The following TTN variants were observed in gnomAD, a reference collection of about 807,000 sequenced individuals.
TTN encodes connectin.
TTN carries 1,525 observed loss-of-function variants against 3,223.0 expected under a neutral mutation model. The ratio of observed to expected loss-of-function variants is 0.47; its 90% confidence interval spans 0.45 to 0.49. TTN has a LOEUF of 0.49. TTN is among the 20% of genes least tolerant of loss of function. The pLI is 0.00. For missense variants in TTN, 40,786 were observed against 43,424.0 expected (o/e 0.94, Z 5.40); for synonymous variants, 14,094 against 15,161.0 (o/e 0.93, Z 5.17).
rs1259557586 is a variant in TTN at position 178,543,675 on chromosome 2, A to G, written c.96311-13T>C. ...GGACCAGGAGTATCTGAAAAACAGA[A>G]TGAAAGATTCATATTTCCTATTTGC... is the stretch of plus-strand genomic sequence containing the variant. On this transcript the variant is annotated splice_polypyrimidine_tract_variant and intron_variant, in intron 346 of 362. Transcript: ENST00000589042. 1.3e-6 allele frequency: 2 copies of G among 1,561,360 alleles called. No homozygotes were observed. Among genetic ancestry groups the G allele is most frequent in the African/African-American group, 1.4e-5 (1 of 73,148 alleles).
chr2:178,632,287 A>T lies in TTN; in HGVS notation c.43607T>A (p.Leu14536Gln), dbSNP rs1405325105. The part of the protein sequence containing the change: ...RVKWFKNDQR[L>Q]HTTRSVSMQD... ...CATTGAGACCGACCTGGTGGTGTGTAGGCGCTGGTCATTCTTGAACCATTT... is the reference window on the plus strand; with the variant it reads ...CATTGAGACCGACCTGGTGGTGTGTTGGCGCTGGTCATTCTTGAACCATTT... The change falls in exon 236 of 363, where the codon CTA becomes CAA. Residue 14536 changes from leucine to glutamine, a missense_variant. By Grantham distance (113) the Leu-to-Gln change is moderately radical. Transcript: ENST00000589042. The T allele has an allele frequency of 6.2e-7, 1 of 1,609,822 alleles. No homozygotes were observed. Among genetic ancestry groups the T allele is most frequent in the African/African-American group, 1.3e-5 (1 of 74,962 alleles).
At chr2:178,694,556 TA>T (rs760382112) in intron 117 of TTN, 42 bp downstream of exon 117, 6 of 1,480,942 alleles carry the variant, frequency 4.1e-6, no homozygotes, top group African/African-American at 1.4e-5. Flanking sequence ...TACACATAAA[TA>T]AAAAAATTTT....
rs779794234 is a variant in TTN, at chr2:178,529,996, C to T, written c.106495G>A (p.Gly35499Arg). The T allele has an allele frequency of 6.2e-7, 1 of 1,602,570 alleles. No homozygotes were observed. The highest frequency in any genetic ancestry group is 8.5e-7 in the Non-Finnish European group (1 of 1,177,258). ...AATTTGCAGCTAGAGGACACAGATC[C>T]AGCTGAATTTTTTACTGTACAAGTA... ...LYTCTVKNSAGSVSSSCKLTI... is the reference protein window; with the variant it reads ...LYTCTVKNSARSVSSSCKLTI... Residue 35499 changes from glycine (G) to arginine (R), a missense_variant, in exon 359 of 363, where the codon GGA (glycine) becomes AGA (arginine). Coordinates refer to ENST00000589042, the MANE Select transcript of TTN (RefSeq NM_001267550.2).
rs200972189 is a variant in TTN, at chr2:178,717,787, C to A, written c.25087G>T (p.Ala8363Ser). ...TCATGAACGTCTTTCAGTTTTCTTGCAAAGAAAGGTGGAAGTTTGCGCGCT... is the reference window on the plus strand; with the variant it reads ...TCATGAACGTCTTTCAGTTTTCTTGAAAAGAAAGGTGGAAGTTTGCGCGCT... ...IKARKLPPFF[A>S]RKLKDVHETL... is the part of the protein sequence containing the mutation. Residue 8363 changes from alanine (A) to serine (S), a missense_variant, in exon 87 of 363, where the codon GCA (alanine) becomes TCA (serine). Physicochemically the swap from Ala to Ser is moderately conservative, Grantham distance 99. Transcript: ENST00000589042. 1.4e-4 allele frequency: 228 copies of A among 1,607,364 alleles called. No individual in the cohort carries two copies. In the African/African-American group the frequency reaches 2.5e-3, roughly 17 times the overall value.
chr2:178,664,621 T>G (rs1414848369), intron 167 of TTN, 33 bp downstream of exon 167: 2 of 1,609,566 alleles, frequency 1.2e-6, no homozygotes, highest in East Asian at 2.2e-5. Context: ...AAAAGACATG[T>G]TCCCACCCCT....
At position 178,649,648 on chromosome 2, in the gene TTN, A is replaced by G; in HGVS notation, c.39896-17T>C. 1 of 1,550,648 alleles carries G rather than the reference A, an allele frequency of 6.4e-7. No homozygotes were observed. Among genetic ancestry groups the G allele is most frequent in the Non-Finnish European group, 8.7e-7 (1 of 1,145,876 alleles). ...TCTCAGGTTCTTTAAAGATATCAGT[A>G]GCATTTAATAATACAAAGTTGTGAG... On this transcript the variant is annotated splice_polypyrimidine_tract_variant and intron_variant, in intron 211 of 362. Coordinates refer to ENST00000589042, the MANE Select transcript of TTN (RefSeq NM_001267550.2).
chr2:178,625,243 A>G lies in TTN; in HGVS notation c.44548+30T>C, dbSNP rs769967457. Reference sequence around the variant, plus strand: ...CATTGTTCATGAGCCTCTGCCTTATACATGTTTTTAAAATAAGCCTTGTAA... The same window carrying G: ...CATTGTTCATGAGCCTCTGCCTTATGCATGTTTTTAAAATAAGCCTTGTAA... On this transcript the variant is annotated intron_variant, in intron 241 of 362. Transcript: ENST00000589042. 3.1e-6 allele frequency: 5 copies of G among 1,601,026 alleles called. No individual in the cohort carries two copies. The African/African-American group carries it at 6.8e-5, about 22-fold the overall frequency.
At chr2:178,671,069 A>G in intron 156 of TTN, 21 bp downstream of exon 156, 1 of 1,588,396 alleles carries the variant, frequency 6.3e-7, no homozygotes, top group Non-Finnish European at 8.6e-7. Flanking sequence ...GTTAAGTAGT[A>G]ATTTTTCACA....
In TTN at chr2:178,715,069, T is replaced by A. The variant is rs763090296; in HGVS notation, c.26117A>T (p.Asp8706Val). ...FLTSIHILNVDAADIGEYQCK... is the reference protein window; with the variant it reads ...FLTSIHILNVVAADIGEYQCK... ...CTGATATTCCCCAATGTCTGCAGCA[T>A]CGACATTCAGGATGTGGATACTGGT... is the stretch of plus-strand genomic sequence containing the variant. The change falls in exon 90 of 363, where the codon GAT becomes GTT. Residue 8706 changes from aspartate (D) to valine (V), a missense_variant. Coordinates refer to ENST00000589042, the MANE Select transcript of TTN (RefSeq NM_001267550.2). The A allele has an allele frequency of 1.2e-6, 2 of 1,613,708 alleles. No homozygotes were observed. The highest frequency in any genetic ancestry group is 3.3e-5 in the Admixed American group (2 of 60,008).
In TTN at chr2:178,567,802, G is replaced by A; in HGVS notation, c.78330C>T (p.Thr26110=). The change falls in exon 326 of 363, where the codon ACC becomes ACT. Residue 26110 remains threonine, a synonymous_variant. Coordinates refer to ENST00000589042, the MANE Select transcript of TTN (RefSeq NM_001267550.2). ...TACTTCCACCATCATACACAGGTTTGGTCCACTGTAAAGTGATTTCATTTC... is the reference window on the plus strand; with the variant it reads ...TACTTCCACCATCATACACAGGTTTAGTCCACTGTAAAGTGATTTCATTTC... ...VKRNEITLQW[T]KPVYDGGSMI... 6.2e-7 allele frequency: 1 copy of A among 1,613,448 alleles called. No homozygotes were observed. The highest frequency in any genetic ancestry group is 1.1e-5 in the South Asian group (1 of 91,066).
At position 178,544,085 on chromosome 2, in the gene TTN, AGAT is replaced by A; in HGVS notation, c.96056_96058del (p.Asp32019_Leu32020delinsVal). ...AGCCCTGATGGTCACAGTCTTCTTT[AGAT>A]CATCTGCAAGCTCAAGATCTGGTAT... On this transcript the variant is annotated inframe_deletion, in exon 346 of 363. Coordinates refer to ENST00000589042, the MANE Select transcript of TTN (RefSeq NM_001267550.2). 1.2e-6 allele frequency: 2 copies of A among 1,610,776 alleles called. No homozygotes were observed. The highest frequency in any genetic ancestry group is 2.2e-5 in the South Asian group (2 of 90,864).
chr2:178,607,415 C>A lies in TTN; in HGVS notation c.53273G>T (p.Arg17758Met). The A allele has an allele frequency of 6.2e-7, 1 of 1,613,108 alleles. No individual in the cohort carries two copies. Among genetic ancestry groups the A allele is most frequent in the Non-Finnish European group, 8.5e-7 (1 of 1,179,350 alleles). ...NSCGSKFAAA[R>M]VEVFDVPGPV... ...ACATTCCTTACCAAAAACTTCTACC[C>A]TGGCTGCTGCAAATTTGGAACCACA... Residue 17758 changes from arginine (R) to methionine (M), a missense_variant, in exon 277 of 363, where the codon AGG becomes ATG. Transcript: ENST00000589042.
chr2:178,677,116 A>C (rs1207666246), intron 147 of TTN, 85 bp downstream of exon 147: 3 of 832,920 alleles, frequency 3.6e-6, no homozygotes, highest in African/African-American at 1.8e-5. Flanking sequence ...TTTTGTAAAT[A>C]TAATTTTCCT....
intron 344 of TTN, among the ~76,000 whole-genome samples, chr2:178,545,095 A>G (rs1219626663): frequency 6.6e-6 from 1 of 152,190 alleles, no homozygotes; most frequent in African/African-American, 2.4e-5. Context: ...ATTACAGTAC[A>G]ATGCATTTTT....
At chr2:178,644,729 A>G in intron 217 of TTN, 113 bp from the exon 218 acceptor site, 1 of 776,410 alleles carries the variant, frequency 1.3e-6, no homozygotes. Context: ...GAAAGCATTA[A>G]TAACAGCCAA....
intron 88 of TTN, among the ~76,000 whole-genome samples, chr2:178,716,646 A>G (rs189986395): frequency 6.6e-6 from 1 of 152,298 alleles, no homozygotes; most frequent in East Asian, 1.9e-4. Flanking sequence ...AGTGGAGGAA[A>G]GTAAGTTGAA....
chr2:178,777,224 G>A lies in TTN; in HGVS notation c.4739C>T (p.Thr1580Met), dbSNP rs73973147. 1.1e-3 allele frequency: 1,741 copies of A among 1,614,072 alleles called. 15 individuals carry two copies. In the African/African-American group the frequency reaches 0.018, roughly 17 times the overall value. ...TACAATGTCAGGGTTGGGGTTACCC[G>A]TAGCTCTGACTTTCATTTCAAGTCG... ...GSRLEMKVRATGNPNPDIVWL... is the reference protein window; with the variant it reads ...GSRLEMKVRAMGNPNPDIVWL... The change falls in exon 27 of 363, where the codon ACG becomes ATG. Residue 1580 changes from threonine to methionine, a missense_variant. By Grantham distance (81) the Thr-to-Met change is moderately conservative. Transcript: ENST00000589042.
Position 178,548,847 on chromosome 2 carries a change from T to G in TTN, c.92779A>C (p.Ile30927Leu), listed in dbSNP as rs1416836304. The G allele has an allele frequency of 6.2e-7, 1 of 1,613,324 alleles. No homozygotes were observed. Among genetic ancestry groups the G allele is most frequent in the Non-Finnish European group, 8.5e-7 (1 of 1,179,826 alleles). ...VDRLTAPELD[I>L]DANFKQTHVV... ...TGAGTCTGTTTGAAGTTTGCATCTA[T>G]GTCTAACTCAGGAGCTGTTAACCGG... is the stretch of plus-strand genomic sequence containing the variant. Residue 30927 changes from isoleucine (I) to leucine (L), a missense_variant, in exon 339 of 363, where the codon ATA becomes CTA. Transcript: ENST00000589042. This position sits in a 1 kb window ranked among gnomAD's most constrained non-coding sequence, Gnocchi z 4.3.
rs766530422 is a variant in TTN at position 178,548,718 on chromosome 2, C to T, written c.92908G>A (p.Ala30970Thr). Residue 30970 changes from alanine to threonine, a missense_variant, in exon 339 of 363, where the codon GCT (alanine) becomes ACT (threonine). Physicochemically the swap from Ala to Thr is moderately conservative, Grantham distance 58. Transcript: ENST00000589042. The surrounding 1 kb of genome is among the most constrained non-coding windows in gnomAD (Gnocchi z 4.3). The stretch of plus-strand genomic sequence containing the variant: ...AAGGAATCTGTTGTATGGATATCAG[C>T]CCGAAGGCTAAGGTTAGAGTCTGGT... Reference protein sequence around the residue: ...SKPDSNLSLRADIHTTDSFST... With the variant: ...SKPDSNLSLRTDIHTTDSFST... The T allele has an allele frequency of 1.2e-6, 2 of 1,613,842 alleles. No individual in the cohort carries two copies. The highest frequency in any genetic ancestry group is 2.2e-5 in the South Asian group (2 of 91,084).
Sources: gnomAD v4.1 joint callset for allele counts (sites outside exome capture counted in the v4.1 genomes callset) on GRCh38, gnomAD v4.1.1 for gene constraint, Gnocchi (gnomAD v3.1) non-coding constraint, MANE v1.5 for transcripts, NCBI Gene and HGNC (gene_info 2026-07-23, HGNC 2026-07-21) for gene names.